The following MED28 variants were observed in gnomAD, a reference collection of about 807,000 sequenced individuals.
MED28 encodes the protein mediator complex subunit 28, also known as mediator of RNA polymerase II transcription subunit 28.
A neutral mutation model predicts 21.3 loss-of-function variants in MED28; 26 were observed. The ratio of observed to expected loss-of-function variants is 1.22; its 90% CI spans 0.89 to 1.69. The LOEUF (loss-of-function observed/expected upper bound fraction) is 1.69. Ranked by LOEUF, MED28 falls within the 40% of genes most tolerant of loss-of-function variation. The pLI, the probability that MED28 is intolerant of heterozygous loss-of-function variation, is 0.00. For missense variants in MED28, 257 were observed against 215.4 expected, an observed-to-expected ratio of 1.19 and a Z score of -1.21; for synonymous variants, 110 against 87.6, an observed-to-expected ratio of 1.26 and a Z score of -1.43.
At position 17,634,069 on chromosome 4, in the gene MED28, T is replaced by C. The variant is rs1715050768; in HGVS notation, c.*10271T>C. On this transcript the variant is annotated 3_prime_UTR_variant, in exon 4 of 4. Transcript: ENST00000237380. Reference sequence around the variant, plus strand: ...TCCCTCCAATCTTCATTTTGTATTATAAATAAATATGTATGTTCACAACCT... The same window carrying C: ...TCCCTCCAATCTTCATTTTGTATTACAAATAAATATGTATGTTCACAACCT... 2 of 469,418 alleles carry C rather than the reference T, an allele frequency of 4.3e-6. No homozygotes were observed. The highest frequency in any genetic ancestry group is 5.1e-5 in the South Asian group (1 of 19,708). 29.1% of individuals were successfully genotyped at this position (469,418 alleles called of 1,614,324 possible).
rs1324864850 is a variant in MED28, at chr4:17,626,415, G to A, written c.*2617G>A. 6.6e-6 allele frequency: 1 copy of A among 152,194 alleles called. No homozygotes were observed. Among genetic ancestry groups the A allele is most frequent in the Admixed American group, 6.5e-5 (1 of 15,278 alleles). 9.4% of individuals were successfully genotyped at this position (152,194 alleles called of 1,614,324 possible). ...GTCAAGAGGTTAGTCTTTAACCTTT[G>A]GCAGAAGCAGGATTTGAAGTGAGTT... On this transcript the variant is annotated 3_prime_UTR_variant, in exon 4 of 4. Coordinates refer to ENST00000237380, the MANE Select transcript of MED28 (RefSeq NM_025205.5).
chr4:17,620,702 T>C (rs1004039251), intron 2 of MED28, among the ~76,000 whole-genome samples: 1 of 149,394 alleles, frequency 6.7e-6, no homozygotes, highest in Non-Finnish European at 1.5e-5. Flanking sequence ...CTTTTTTTTT[T>C]TTTTTTTTTT....
chr4:17,617,317 C>G (rs748564378), intron 1 of MED28, among the ~76,000 whole-genome samples: 7 of 152,234 alleles, frequency 4.6e-5, no homozygotes, highest in Non-Finnish European at 8.8e-5. Flanking sequence ...CATAGCAGCA[C>G]CTACTTACCT....
rs1351935915 is a variant in MED28 at position 17,632,599 on chromosome 4, G to T, written c.*8801G>T. ...GCCCTGTTTCTGCTGGACTTCTTTGGCTTGGGCCGTTTCACCATCTGGGGT... is the reference window on the plus strand; with the variant it reads ...GCCCTGTTTCTGCTGGACTTCTTTGTCTTGGGCCGTTTCACCATCTGGGGT... On this transcript the variant is annotated 3_prime_UTR_variant, in exon 4 of 4. Transcript: ENST00000237380. 2.6e-6 allele frequency: 4 copies of T among 1,551,036 alleles called. No homozygotes were observed. Among genetic ancestry groups the T allele is most frequent in the Admixed American group, 3.9e-5 (2 of 50,916 alleles).
Position 17,629,234 on chromosome 4 carries a change from A to C in MED28, c.*5436A>C, listed in dbSNP as rs1394178566. ...GGTGACAGAGCAAGACTCCGTCTCAAAAACAAACACACAGTACTGCATCCT... is the reference window on the plus strand; with the variant it reads ...GGTGACAGAGCAAGACTCCGTCTCACAAACAAACACACAGTACTGCATCCT... On this transcript the variant is annotated 3_prime_UTR_variant, in exon 4 of 4. Coordinates refer to ENST00000237380, the MANE Select transcript of MED28 (RefSeq NM_025205.5). The C allele has an allele frequency of 6.6e-6, 1 of 152,420 alleles. No individual in the cohort carries two copies. The highest frequency in any genetic ancestry group is 1.5e-5 in the Non-Finnish European group (1 of 68,208). 9.4% of individuals were successfully genotyped at this position (152,420 alleles called of 1,614,324 possible).
At chr4:17,617,129 T>C (rs1714474908) in intron 1 of MED28, among the ~76,000 whole-genome samples, 1 of 152,228 alleles carries the variant, frequency 6.6e-6, no homozygotes, top group African/African-American at 2.4e-5. Flanking sequence ...GCATTTTGAC[T>C]TAGCCAGGTG....
At position 17,628,397 on chromosome 4, in the gene MED28, T is replaced by C. The variant is rs1714829375; in HGVS notation, c.*4599T>C. On this transcript the variant is annotated 3_prime_UTR_variant, in exon 4 of 4. Coordinates refer to ENST00000237380, the MANE Select transcript of MED28 (RefSeq NM_025205.5). ...TTATCCCTACTCTAGTCCACCTTCC[T>C]ATAAATAAGATGTATTGAGATGCTC... is the stretch of plus-strand genomic sequence containing the variant. 1 of 152,030 alleles carries C rather than the reference T, an allele frequency of 6.6e-6. No homozygotes were observed. The allele number at this position is 152,030 out of a possible 1,614,324, so 9.4% of individuals were successfully genotyped here.
intron 1 of MED28, 66 bp downstream of exon 1, chr4:17,614,879 A>C (rs1714401149): frequency 4.0e-6 from 6 of 1,508,040 alleles, no homozygotes; most frequent in Non-Finnish European, 5.4e-6. Flanking sequence ...AACTGCGCGT[A>C]CGCGTATCTC....
In MED28 at chr4:17,631,337, A is replaced by T. The variant is rs917529196; in HGVS notation, c.*7539A>T. 2.0e-5 allele frequency: 3 copies of T among 150,154 alleles called. No homozygotes were observed. Among genetic ancestry groups the T allele is most frequent in the Admixed American group, 1.3e-4 (2 of 15,188 alleles). The allele number at this position is 150,154 out of a possible 1,614,324, so 9.3% of individuals were successfully genotyped here. ...TAGCTGGGTTTTCTTTGGGCTAATT[A>T]TTTTTTTGTAGAGATGGAGGTCTCG... On this transcript the variant is annotated 3_prime_UTR_variant, in exon 4 of 4. Transcript: ENST00000237380.
At position 17,632,165 on chromosome 4, in the gene MED28, CCTAGGTT is replaced by C. The variant is rs1714973010; in HGVS notation, c.*8369_*8375del. The C allele has an allele frequency of 6.9e-6, 1 of 144,828 alleles. No homozygotes were observed. Among genetic ancestry groups the C allele is most frequent in the South Asian group, 2.2e-4 (1 of 4,544 alleles). 9.0% of individuals were successfully genotyped at this position (144,828 alleles called of 1,614,324 possible). On this transcript the variant is annotated 3_prime_UTR_variant, in exon 4 of 4. Coordinates refer to ENST00000237380, the MANE Select transcript of MED28 (RefSeq NM_025205.5). ...ACTTGGCTCACTGCAACCTCTGCCT[CCTAGGTT>C]CAAGTGATCCTCCCGCCTCAGTCCC...
At chr4:17,615,265 T>C (rs1179606176) in intron 1 of MED28, among the ~76,000 whole-genome samples, 5 of 152,082 alleles carry the variant, frequency 3.3e-5, no homozygotes, top group Admixed American at 2.0e-4. Flanking sequence ...CAGGCGCAGC[T>C]TGGTACTAAG....
rs1714955820 is a variant in MED28, at chr4:17,631,902, T to C, written c.*8104T>C. On this transcript the variant is annotated 3_prime_UTR_variant, in exon 4 of 4. Transcript: ENST00000237380. ...AGGACAAGTACAACCACTTTTGAAA[T>C]AGATCATGGAAATCACAAAGTCTGA... 1 of 152,110 alleles carries C rather than the reference T, an allele frequency of 6.6e-6. No homozygotes were observed. Among genetic ancestry groups the C allele is most frequent in the Admixed American group, 6.6e-5 (1 of 15,262 alleles). The allele number at this position is 152,110 out of a possible 1,614,324, so 9.4% of individuals were successfully genotyped here. A position where few individuals can be genotyped will look rare whatever the true frequency, so the allele number is the denominator to read the frequency against.
chr4:17,617,343 TG>T (rs1186938304), intron 1 of MED28, among the ~76,000 whole-genome samples: 1 of 152,220 alleles, frequency 6.6e-6, no homozygotes, highest in East Asian at 1.9e-4. Context: ...TCATTCCTAT[TG>T]GGGTGCCACT....
In MED28 at chr4:17,623,731, C is replaced by T. The variant is rs367991176; in HGVS notation, c.470C>T (p.Pro157Leu). ...NVQHKKPADIPQGSLAYLEQA... is the reference protein window; with the variant it reads ...NVQHKKPADILQGSLAYLEQA... ...CAGCACAAAAAGCCCGCCGACATCC[C>T]TCAGGGCTCCTTGGCCTACCTGGAG... The change falls in exon 4 of 4, where the codon CCT becomes CTT. Residue 157 changes from proline (P) to leucine (L), a missense_variant. By Grantham distance (98) the Pro-to-Leu change is moderately conservative. Coordinates refer to ENST00000237380, the MANE Select transcript of MED28 (RefSeq NM_025205.5). 1.9e-6 allele frequency: 3 copies of T among 1,614,112 alleles called. No individual in the cohort carries two copies. Among genetic ancestry groups the T allele is most frequent in the Admixed American group, 1.7e-5 (1 of 60,000 alleles).
In MED28 at chr4:17,633,856, C is replaced by G. The variant is rs1715039919; in HGVS notation, c.*10058C>G. On this transcript the variant is annotated 3_prime_UTR_variant, in exon 4 of 4. Transcript: ENST00000237380. ...AGGAGGCGAGGTTCGGCACGCTGAC[C>G]ACGCGGCTGGGCACGTCCTCCACCT... is the stretch of plus-strand genomic sequence containing the variant. The G allele has an allele frequency of 6.4e-7, 1 of 1,551,014 alleles. No individual in the cohort carries two copies. The highest frequency in any genetic ancestry group is 1.4e-5 in the African/African-American group (1 of 73,132).
At position 17,627,858 on chromosome 4, in the gene MED28, A is replaced by G. The variant is rs1221805308; in HGVS notation, c.*4060A>G. On this transcript the variant is annotated 3_prime_UTR_variant, in exon 4 of 4. Transcript: ENST00000237380. Reference sequence around the variant, plus strand: ...AATAAAAAATAAAAAAATACTGAGCAGTCTGCTTGGGCGCTTCCATCAGCC... The same window carrying G: ...AATAAAAAATAAAAAAATACTGAGCGGTCTGCTTGGGCGCTTCCATCAGCC... 6.6e-6 allele frequency: 1 copy of G among 152,318 alleles called. No individual in the cohort carries two copies. Among genetic ancestry groups the G allele is most frequent in the Non-Finnish European group, 1.5e-5 (1 of 68,168 alleles). The allele number at this position is 152,318 out of a possible 1,614,324, so 9.4% of individuals were successfully genotyped here. A position where few individuals can be genotyped will look rare whatever the true frequency, so the allele number is the denominator to read the frequency against.
At position 17,630,816 on chromosome 4, in the gene MED28, T is replaced by C. The variant is rs1256256781; in HGVS notation, c.*7018T>C. ...TAAGATGGTGTGATTGAGGTTAATG[T>C]GAACTGAACTTTCTATTTCTAAGCT... is the stretch of plus-strand genomic sequence containing the variant. On this transcript the variant is annotated 3_prime_UTR_variant, in exon 4 of 4. Coordinates refer to ENST00000237380, the MANE Select transcript of MED28 (RefSeq NM_025205.5). 1 of 152,120 alleles carries C rather than the reference T, an allele frequency of 6.6e-6. No homozygotes were observed. Among genetic ancestry groups the C allele is most frequent in the African/African-American group, 2.4e-5 (1 of 41,424 alleles). 9.4% of individuals were successfully genotyped at this position (152,120 alleles called of 1,614,324 possible).
intron 2 of MED28, 157 bp downstream of exon 2, chr4:17,620,124 G>C (rs1714574803): frequency 1.5e-6 from 1 of 665,464 alleles, no homozygotes; most frequent in African/African-American, 1.8e-5. Context: ...GCTGATTTTT[G>C]GTTCAGTTTA....
chr4:17,621,981 A>G (rs1237539520), intron 3 of MED28, among the ~76,000 whole-genome samples: 3 of 152,228 alleles, frequency 2.0e-5, no homozygotes, highest in African/African-American at 7.2e-5. Context: ...CTGCCATGTG[A>G]AAAAAGGACA....
Sources: gnomAD v4.1 joint callset for allele counts (sites outside exome capture counted in the v4.1 genomes callset) on GRCh38, gnomAD v4.1.1 for gene constraint, MANE v1.5 for transcripts, NCBI Gene and HGNC (gene_info 2026-07-23, HGNC 2026-07-21) for gene names.